Variants in COL6A6 observed in about 807,000 individuals in gnomAD.
The protein encoded by COL6A6 is collagen type VI alpha 6 chain, also known as collagen alpha-6(VI) chain.
In COL6A6, 183 loss-of-function variants were observed where a neutral mutation model predicts 208.6. The ratio of observed to expected loss-of-function variants is 0.88; its 90% CI spans 0.78 to 0.99. The LOEUF is 0.99. Among genes scored for constraint, COL6A6 ranks in the 50% least tolerant of loss-of-function variants. The pLI is 0.00. For missense variants in COL6A6, 2,816 were observed against 2,815.2 expected, an observed-to-expected ratio of 1.00 and a Z score of -0.01; for synonymous variants, 973 against 1,011.8, an observed-to-expected ratio of 0.96 and a Z score of 0.73.
intron 7 of COL6A6, among the ~76,000 whole-genome samples, chr3:130,573,660 G>A (rs561992862): frequency 8.0e-5 from 12 of 149,540 alleles, no homozygotes; most frequent in South Asian, 4.3e-4. Context: ...TCCGCCTCCC[G>A]GGTTCACGCC....
chr3:130,650,276 A>G (rs911725663), intron 33 of COL6A6, among the ~76,000 whole-genome samples: 7 of 152,240 alleles, frequency 4.6e-5, no homozygotes, highest in Non-Finnish European at 7.4e-5. Context: ...CTCCATGTGG[A>G]GACCGTGAAG....
intron 32 of COL6A6, among the ~76,000 whole-genome samples, chr3:130,647,569 G>A (rs1297037922): frequency 6.6e-6 from 1 of 152,142 alleles, no homozygotes; most frequent in Non-Finnish European, 1.5e-5. Context: ...TTTGATTTGG[G>A]TTTGAACATT....
chr3:130,635,330 C>T (rs2065080008), intron 27 of COL6A6, among the ~76,000 whole-genome samples: 1 of 152,146 alleles, frequency 6.6e-6, no homozygotes, highest in Non-Finnish European at 1.5e-5. Flanking sequence ...GTTTATAAAT[C>T]ATCTTTAGAT....
intron 20 of COL6A6, among the ~76,000 whole-genome samples, chr3:130,604,233 C>T (rs1433327928): frequency 1.3e-5 from 2 of 152,190 alleles, no homozygotes; most frequent in African/African-American, 4.8e-5. Flanking sequence ...GTGGCTCACG[C>T]CTGTAATCCC....
intron 18 of COL6A6, among the ~76,000 whole-genome samples, chr3:130,596,842 G>A (rs1435313648): frequency 6.6e-6 from 1 of 152,062 alleles, no homozygotes; most frequent in African/African-American, 2.4e-5. Context: ...GAAATATTGG[G>A]GGAAAACAGT....
chr3:130,599,800 GAAGA>G lies in COL6A6; in HGVS notation c.4648_4651del (p.Lys1550GlnfsTer42). The G allele has an allele frequency of 6.2e-7, 1 of 1,613,768 alleles. No individual in the cohort carries two copies. Among genetic ancestry groups the G allele is most frequent in the Non-Finnish European group, 8.5e-7 (1 of 1,179,776 alleles). On this transcript the variant is annotated frameshift_variant, in exon 20 of 37. Transcript: ENST00000358511. LOFTEE classifies it high-confidence loss of function. ...GGCCCCCCCGGGACACCAGGCTCCAGAAGAAAGACAGTAAGAGCCCTTCTAGACA... is the reference window on the plus strand; with the variant it reads ...GGCCCCCCCGGGACACCAGGCTCCAGAAGACAGTAAGAGCCCTTCTAGACA...
At chr3:130,634,149 A>C (rs1373921586) in intron 26 of COL6A6, among the ~76,000 whole-genome samples, 2 of 96,844 alleles carry the variant, frequency 2.1e-5, no homozygotes, top group Non-Finnish European at 3.5e-5. Flanking sequence ...TCCTTTGTCA[A>C]ATCCGTGAAA....
intron 8 of COL6A6, 69 bp from the exon 9 acceptor site, chr3:130,581,492 G>C: frequency 8.9e-7 from 1 of 1,128,794 alleles, no homozygotes; most frequent in Non-Finnish European, 1.3e-6. Context: ...CCTTGATTCA[G>C]ACATGGTGTC....
intron 9 of COL6A6, 32 bp from the exon 10 acceptor site, chr3:130,581,958 A>G (rs2063434553): frequency 6.3e-7 from 1 of 1,589,832 alleles, no homozygotes; most frequent in Non-Finnish European, 8.6e-7. Context: ...ACCCTTTTTA[A>G]TTCATTTTAC....
At chr3:130,609,407 G>A (rs2064284577) in intron 22 of COL6A6, among the ~76,000 whole-genome samples, 1 of 152,192 alleles carries the variant, frequency 6.6e-6, no homozygotes, top group Non-Finnish European at 1.5e-5. Context: ...GTTATCTGCA[G>A]TGCAGCACTC....
intron 1 of COL6A6, among the ~76,000 whole-genome samples, chr3:130,536,480 C>T (rs563040713): frequency 5.9e-5 from 9 of 152,286 alleles, no homozygotes; most frequent in Admixed American, 2.6e-4. Context: ...ACAATAGATT[C>T]GCTGACGAAG....
At chr3:130,543,212 C>G (rs1312774164) in intron 1 of COL6A6, among the ~76,000 whole-genome samples, 1 of 152,086 alleles carries the variant, frequency 6.6e-6, no homozygotes, top group Non-Finnish European at 1.5e-5. Flanking sequence ...CCCATTCACT[C>G]TTAATCTATA....
At chr3:130,541,893 T>C (rs1334704418) in intron 1 of COL6A6, among the ~76,000 whole-genome samples, 1 of 152,238 alleles carries the variant, frequency 6.6e-6, no homozygotes, top group African/African-American at 2.4e-5. Flanking sequence ...TTTGGCAGCT[T>C]GTGTCTTTCA....
At position 130,627,304 on chromosome 3, in the gene COL6A6, T is replaced by C; in HGVS notation, c.4942-15T>C. On this transcript the variant is annotated splice_polypyrimidine_tract_variant and intron_variant, in intron 25 of 36. Transcript: ENST00000358511. ...TGTAGTCTGGGATGTTGGTAATCAA[T>C]TGCTCTGTTTACAGGGCAATGATGG... 1.2e-6 allele frequency: 2 copies of C among 1,611,908 alleles called. No homozygotes were observed. The highest frequency in any genetic ancestry group is 2.2e-5 in the East Asian group (1 of 44,874).
chr3:130,570,723 G>A, intron 6 of COL6A6, 95 bp from the exon 7 acceptor site: 1 of 893,758 alleles, frequency 1.1e-6, no homozygotes, highest in Non-Finnish European at 1.7e-6. Flanking sequence ...GATCCCCTTG[G>A]AGAGAAAACA....
intron 33 of COL6A6, among the ~76,000 whole-genome samples, chr3:130,656,759 C>T (rs1024875437): frequency 1.3e-5 from 2 of 152,206 alleles, no homozygotes; most frequent in Non-Finnish European, 2.9e-5. Flanking sequence ...CCCTGAGAAC[C>T]CCCCTTGGAC....
intron 33 of COL6A6, 111 bp from the exon 34 acceptor site, chr3:130,658,565 T>A: frequency 2.8e-6 from 2 of 709,654 alleles, no homozygotes; most frequent in South Asian, 3.4e-5. Context: ...CCCCCGTACC[T>A]TCTTAGAAGG....
chr3:130,643,073 G>A (rs754107903), intron 31 of COL6A6, 50 bp downstream of exon 31: 7 of 1,576,492 alleles, frequency 4.4e-6, no homozygotes, highest in Non-Finnish European at 6.1e-6. Flanking sequence ...ATTCATACAA[G>A]AAAAGCAGAG....
chr3:130,576,008 G>C (rs1369579580), intron 8 of COL6A6, among the ~76,000 whole-genome samples: 1 of 151,854 alleles, frequency 6.6e-6, no homozygotes. Context: ...AGGTTTCTCT[G>C]TCCCCTCCAG....
Sources: gnomAD v4.1 joint callset for allele counts (sites outside exome capture counted in the v4.1 genomes callset) on GRCh38, gnomAD v4.1.1 for gene constraint, MANE v1.5 for transcripts, NCBI Gene and HGNC (gene_info 2026-07-23, HGNC 2026-07-21) for gene names.